The following MYO18A variants were observed in gnomAD, a reference collection of about 807,000 sequenced individuals.
MYO18A encodes the protein myosin XVIIIA.
MYO18A carries 78 observed loss-of-function variants against 235.8 expected under a neutral mutation model. The ratio of observed to expected loss-of-function variants is 0.33; its 90% CI spans 0.28 to 0.40. The LOEUF is 0.40. Among genes scored for constraint, MYO18A ranks in the 10% least tolerant of loss-of-function variants. The pLI, the probability that MYO18A is intolerant of heterozygous loss-of-function variation, is 1.00. For synonymous variants in MYO18A, 977 were observed against 1,077.8 expected (o/e 0.91, Z 1.83); for missense variants, 2,215 against 2,699.3 (o/e 0.82, Z 3.98).
At chr17:29,076,412 G>A (rs2065980909) in intron 41 of MYO18A, 2 of 150,700 alleles carry the variant, frequency 1.3e-5, no homozygotes, top group South Asian at 2.1e-4. Context: ...GTTATGTAAA[G>A]AAAGGTCGGT....
At chr17:29,170,707 T>G (rs2068382133) in intron 1 of MYO18A, among the ~76,000 whole-genome samples, 1 of 152,234 alleles carries the variant, frequency 6.6e-6, no homozygotes, top group African/African-American at 2.4e-5. Context: ...CCGAATAATC[T>G]TGCTCTTACT....
chr17:29,074,765 C>T lies in MYO18A; in HGVS notation c.*5G>A. On this transcript the variant is annotated 3_prime_UTR_variant, in exon 42 of 42. Transcript: ENST00000527372. This position sits in a 1 kb window ranked among gnomAD's most constrained non-coding sequence, Gnocchi z 4.4. Reference sequence around the variant, plus strand: ...GGTGAGAGGGCTGCCAACCACTCCCCTGGGCTATGCGTTAGTCTCCGTCAG... The same window carrying T: ...GGTGAGAGGGCTGCCAACCACTCCCTTGGGCTATGCGTTAGTCTCCGTCAG... 6.2e-7 allele frequency: 1 copy of T among 1,613,934 alleles called. No homozygotes were observed. The highest frequency in any genetic ancestry group is 8.5e-7 in the Non-Finnish European group (1 of 1,179,860).
At position 29,140,948 on chromosome 17, in the gene MYO18A, C is replaced by T. The variant is rs568784433; in HGVS notation, c.1000-18695G>A. On this transcript the variant is annotated intron_variant, in intron 2 of 41. Transcript: ENST00000527372. This position sits in a 1 kb window ranked among gnomAD's most constrained non-coding sequence, Gnocchi z 4.2. ...CTAACGTCACATCCAAGACAGCACA[C>T]GGGGCCCACTGCACACTGTGCCCAA... Among the ~76,000 whole-genome samples the T allele has an allele frequency of 4.6e-5, 7 of 152,352 alleles. No individual in the cohort carries two copies. The highest frequency in any genetic ancestry group is 3.9e-4 in the East Asian group (2 of 5,186).
chr17:29,168,633 G>A (rs866497153), intron 1 of MYO18A, among the ~76,000 whole-genome samples: 1 of 152,112 alleles, frequency 6.6e-6, no homozygotes, highest in Non-Finnish European at 1.5e-5. Context: ...CCAGTCTACT[G>A]AGAGGGACCA....
At chr17:29,133,670 A>G in intron 2 of MYO18A, 2 of 619,724 alleles carry the variant, frequency 3.2e-6, no homozygotes, top group Admixed American at 2.6e-5. Flanking sequence ...GCCACCCCCA[A>G]TTATACACAC....
chr17:29,080,650 G>A (rs1272276819), intron 41 of MYO18A: 3 of 985,468 alleles, frequency 3.0e-6, no homozygotes, highest in South Asian at 4.7e-5. Context: ...CCGCCGCGTG[G>A]CCGAGGAGGC....
intron 2 of MYO18A, among the ~76,000 whole-genome samples, chr17:29,130,479 CA>C (rs1171737936): frequency 1.7e-4 from 3 of 17,386 alleles, no homozygotes; most frequent in African/African-American, 3.6e-4. Flanking sequence ...CTCTCCCACA[CA>C]CACACACACA....
rs1438599262 is a variant in MYO18A, at chr17:29,088,204, G to A, written c.5527-1083C>T. 3.3e-5 allele frequency among the ~76,000 whole-genome samples: 5 copies of A among 151,852 alleles called. No homozygotes were observed. The East Asian group carries it at 5.8e-4, about 18-fold the overall frequency. On this transcript the variant is annotated intron_variant, in intron 37 of 41. Transcript: ENST00000527372. ...GGAGTAGCTGGGACTACAGGCGCCC[G>A]CCACCACGCCCGGCTAATGTTTTGT...
At position 29,099,780 on chromosome 17, in the gene MYO18A, A is replaced by G; in HGVS notation, c.3508-18T>C. 6 of 1,609,008 alleles carry G rather than the reference A, an allele frequency of 3.7e-6. No individual in the cohort carries two copies. Among genetic ancestry groups the G allele is most frequent in the Non-Finnish European group, 4.2e-6 (5 of 1,178,248 alleles). ...AAGAACACCTGTGAAAAAGCAGGCC[A>G]GGTGAAGGCAGGATACTGGGCCAGC... On this transcript the variant is annotated intron_variant, in intron 21 of 41. Transcript: ENST00000527372.
intron 41 of MYO18A, among the ~76,000 whole-genome samples, chr17:29,079,270 G>T (rs1011370686): frequency 6.6e-6 from 1 of 152,178 alleles, no homozygotes; most frequent in Admixed American, 6.5e-5. Flanking sequence ...GGAGGAGTGG[G>T]TAAGGGCAAG....
intron 11 of MYO18A, among the ~76,000 whole-genome samples, chr17:29,116,124 C>T (rs1329001370): frequency 6.6e-6 from 1 of 152,236 alleles, no homozygotes; most frequent in African/African-American, 2.4e-5. Context: ...TGGCTCAGCT[C>T]CGGGGATGCC....
intron 21 of MYO18A, 99 bp downstream of exon 21, chr17:29,103,497 CTGG>C (rs2066706407): frequency 2.0e-5 from 23 of 1,172,900 alleles, no homozygotes; most frequent in Non-Finnish European, 2.8e-5. Context: ...CACCAGGAGA[CTGG>C]TGATGTCTGG....
chr17:29,113,230 G>A (rs1166625325), intron 15 of MYO18A, among the ~76,000 whole-genome samples: 2 of 152,238 alleles, frequency 1.3e-5, no homozygotes, highest in South Asian at 4.1e-4. Flanking sequence ...CCCACCACTT[G>A]TGCAAGCCAA....
intron 2 of MYO18A, among the ~76,000 whole-genome samples, chr17:29,157,663 A>T (rs1017212265): frequency 6.6e-6 from 1 of 152,254 alleles, no homozygotes; most frequent in African/African-American, 2.4e-5. Context: ...GAGAAAATTA[A>T]ATAAGTGAAT....
intron 40 of MYO18A, among the ~76,000 whole-genome samples, chr17:29,083,781 T>C (rs1473918782): frequency 6.6e-6 from 1 of 152,114 alleles, no homozygotes; most frequent in Non-Finnish European, 1.5e-5. Context: ...ATGGGCCCCA[T>C]GGAACACCAA....
chr17:29,120,809 C>A lies in MYO18A; in HGVS notation c.1586-51G>T. On this transcript the variant is annotated intron_variant, in intron 6 of 41. Transcript: ENST00000527372. This position sits in a 1 kb window ranked among gnomAD's most constrained non-coding sequence, Gnocchi z 4.2. Reference sequence around the variant, plus strand: ...ATCAGGAAAGCCAGGGGCAGCTTATCCCCCAGCTAGGAGCTACCCCAGAGG... The same window carrying A: ...ATCAGGAAAGCCAGGGGCAGCTTATACCCCAGCTAGGAGCTACCCCAGAGG... 2.5e-6 allele frequency: 4 copies of A among 1,590,708 alleles called. No individual in the cohort carries two copies. Among genetic ancestry groups the A allele is most frequent in the Non-Finnish European group, 3.4e-6 (4 of 1,166,814 alleles).
Position 29,140,428 on chromosome 17 carries a change from C to T in MYO18A, c.1000-18175G>A, listed in dbSNP as rs1223245367. On this transcript the variant is annotated intron_variant, in intron 2 of 41. Transcript: ENST00000527372. The surrounding 1 kb of genome is among the most constrained non-coding windows in gnomAD (Gnocchi z 4.2). ...CGTTAGCAGCTCAAAATAGCACAGG[C>T]TGTGGCCCCGCCCAGTTCCCGCCCT... 8 of 1,267,838 alleles carry T rather than the reference C, an allele frequency of 6.3e-6. No individual in the cohort carries two copies. In the African/African-American group the frequency reaches 9.3e-5, roughly 15 times the overall value. The allele number at this position is 1,267,838 out of a possible 1,614,324, so 78.5% of individuals were successfully genotyped here. A position where few individuals can be genotyped will look rare whatever the true frequency, so the allele number is the denominator to read the frequency against.
Position 29,166,504 on chromosome 17 carries a change from C to T in MYO18A, c.437G>A (p.Arg146Gln), listed in dbSNP as rs776205488. 3 of 1,613,568 alleles carry T rather than the reference C, an allele frequency of 1.9e-6. No homozygotes were observed. The highest frequency in any genetic ancestry group is 2.5e-6 in the Non-Finnish European group (3 of 1,179,830). Reference sequence around the variant, plus strand: ...CGAGGTTTCTGAGGCGCTCTCATCCCGGCTACGCTGGGAGAAGGAAAAGCG... The same window carrying T: ...CGAGGTTTCTGAGGCGCTCTCATCCTGGCTACGCTGGGAGAAGGAAAAGCG... Reference protein sequence around the residue: ...VKRFSFSQRSRDESASETSTP... With the variant: ...VKRFSFSQRSQDESASETSTP... Residue 146 changes from arginine to glutamine, a missense_variant, in exon 2 of 42, where the codon CGG becomes CAG. Physicochemically the swap from Arg to Gln is conservative, Grantham distance 43 (BLOSUM62 1). Coordinates refer to ENST00000527372, the MANE Select transcript of MYO18A (RefSeq NM_078471.4).
At position 29,140,518 on chromosome 17, in the gene MYO18A, G is replaced by C. The variant is rs1409959216; in HGVS notation, c.1000-18265C>G. 4.9e-5 allele frequency: 41 copies of C among 832,524 alleles called. No individual in the cohort carries two copies. Among genetic ancestry groups the C allele is most frequent in the Non-Finnish European group, 6.4e-5 (40 of 629,106 alleles). The allele number at this position is 832,524 out of a possible 1,614,324, so 51.6% of individuals were successfully genotyped here. ...TGGAGCCAGCAGCCCGGAGGACTTC[G>C]GGTATCAGGTATGCCAGGAGGGAGA... On this transcript the variant is annotated intron_variant, in intron 2 of 41. Coordinates refer to ENST00000527372, the MANE Select transcript of MYO18A (RefSeq NM_078471.4). The surrounding 1 kb of genome is among the most constrained non-coding windows in gnomAD (Gnocchi z 4.2).
Sources: allele counts gnomAD v4.1 joint callset (sites outside exome capture counted in the v4.1 genomes callset), GRCh38; gene constraint gnomAD v4.1.1; non-coding constraint Gnocchi (gnomAD v3.1); transcripts MANE v1.5; gene names NCBI Gene and HGNC (gene_info 2026-07-23, HGNC 2026-07-21).